The following ARHGAP23 variants were observed in gnomAD, a reference collection of about 807,000 sequenced individuals.
ARHGAP23 encodes the protein rho GTPase-activating protein 23.
Under a neutral mutation model 136.3 loss-of-function variants are expected in ARHGAP23, and 34 were observed. The ratio of observed to expected loss-of-function variants is 0.25; its 90% CI spans 0.19 to 0.33. ARHGAP23 has a LOEUF of 0.33. ARHGAP23 is among the 10% of genes least tolerant of loss of function. The probability of loss-of-function intolerance (pLI) is 1.00; values close to 1 mark genes in which losing one functional copy is unlikely to be tolerated. For synonymous variants in ARHGAP23, 832 were observed against 920.5 expected (o/e 0.90, Z 1.74); for missense variants, 1,808 against 2,139.0 (o/e 0.85, Z 3.05).
intron 23 of ARHGAP23, among the ~76,000 whole-genome samples, chr17:38,508,335 A>G (rs527589263): frequency 6.6e-6 from 1 of 152,312 alleles, no homozygotes; most frequent in South Asian, 2.1e-4. Context: ...CAGCAATGTA[A>G]CAGTGTAGGT....
chr17:38,442,134 AT>A (rs1011748682), intron 1 of ARHGAP23, among the ~76,000 whole-genome samples: 1 of 152,040 alleles, frequency 6.6e-6, no homozygotes, highest in African/African-American at 2.4e-5. Context: ...TTTTACTATT[AT>A]TTTTGTGGAG....
chr17:38,463,080 T>C, intron 4 of ARHGAP23, 38 bp from the exon 5 acceptor site: 1 of 1,548,002 alleles, frequency 6.5e-7, no homozygotes, highest in Non-Finnish European at 8.7e-7. Flanking sequence ...GGGCCTTTGA[T>C]GCCCTTTGGT....
upstream of ARHGAP23, among the ~76,000 whole-genome samples, chr17:38,426,572 ATC>A (rs2038574151): frequency 1.3e-5 from 2 of 149,382 alleles, no homozygotes; most frequent in Non-Finnish European, 1.5e-5. Flanking sequence ...AAAAAAAAAA[ATC>A]CAGGCAGTAT....
chr17:38,485,669 C>G (rs543172460), intron 16 of ARHGAP23, among the ~76,000 whole-genome samples: 1 of 152,096 alleles, frequency 6.6e-6, no homozygotes, highest in Non-Finnish European at 1.5e-5. Flanking sequence ...GAGGAAAGTT[C>G]TGGTTGAGGA....
chr17:38,477,874 A>G lies in ARHGAP23; in HGVS notation c.2414A>G (p.Glu805Gly). Residue 805 changes from glutamate to glycine, a missense_variant, in exon 12 of 24, where the codon GAG becomes GGG. This residue lies in a region of ARHGAP23 where 139 missense variants were observed against 264.3 expected (regional missense o/e 0.53). Coordinates refer to ENST00000622683, the MANE Select transcript of ARHGAP23 (RefSeq NM_001199417.2). This position sits in a 1 kb window ranked among gnomAD's most constrained non-coding sequence, Gnocchi z 6.6. ...CTGGGCTGGATCAGAGCGATCCGGG[A>G]GAACAGCAGGGCCGAGGGCGAGGTG... ...DMLGWIRAIR[E>G]NSRAEGEDPG... The G allele has an allele frequency of 6.5e-7, 1 of 1,548,264 alleles. No homozygotes were observed.
At chr17:38,423,410 C>T (rs1003317115) in intron 1 of ARHGAP23, among the ~76,000 whole-genome samples, 5 of 150,892 alleles carry the variant, frequency 3.3e-5, no homozygotes, top group African/African-American at 4.9e-5. Flanking sequence ...CTCATTCTAT[C>T]GCCCAGGCAA....
Position 38,479,626 on chromosome 17 carries a change from C to T in ARHGAP23, c.2499-127C>T, listed in dbSNP as rs1048989658. The T allele has an allele frequency of 1.1e-5, 15 of 1,418,512 alleles. No individual in the cohort carries two copies. In the African/African-American group the frequency reaches 1.4e-4, roughly 13 times the overall value. The allele number at this position is 1,418,512 out of a possible 1,614,324, so 87.9% of individuals were successfully genotyped here. On this transcript the variant is annotated intron_variant, in intron 13 of 23. Transcript: ENST00000622683. ...GGAAGGGGTATCCAGGGTCTCCAGG[C>T]TGCAGTTAGGCATGGAGGCATTGCC...
At chr17:38,449,329 C>T (rs1826663317) in intron 1 of ARHGAP23, among the ~76,000 whole-genome samples, 2 of 152,322 alleles carry the variant, frequency 1.3e-5, no homozygotes, top group South Asian at 2.1e-4. Context: ...ACCCTGGGAA[C>T]CATCCCCTAC....
At chr17:38,454,449 T>C (rs1228273781) in intron 1 of ARHGAP23, among the ~76,000 whole-genome samples, 1 of 152,026 alleles carries the variant, frequency 6.6e-6, no homozygotes, top group Non-Finnish European at 1.5e-5. Context: ...GAAGAGACGC[T>C]GGGGCTTCTA....
intron 1 of ARHGAP23, among the ~76,000 whole-genome samples, chr17:38,457,166 G>T (rs2039345885): frequency 6.6e-6 from 1 of 152,192 alleles, no homozygotes; most frequent in South Asian, 2.1e-4. Flanking sequence ...TGGGATTACA[G>T]GTAGAGACAG....
At chr17:38,457,838 C>A in intron 1 of ARHGAP23, 1 of 566,598 alleles carries the variant, frequency 1.8e-6, no homozygotes. Flanking sequence ...AATGAACTTG[C>A]TTCAGTGAGT....
At position 38,486,118 on chromosome 17, in the gene ARHGAP23, G is replaced by C. The variant is rs1466292885; in HGVS notation, c.2964G>C (p.Leu988=). The change falls in exon 17 of 24, where the codon CTG becomes CTC. Residue 988 remains leucine, a synonymous_variant. Transcript: ENST00000622683. ...TGCTCAAGTCCTTCTTCCGAAAGCTGCCCGAGCCTCTTTTCACTGATGGTG... is the reference window on the plus strand; with the variant it reads ...TGCTCAAGTCCTTCTTCCGAAAGCTCCCCGAGCCTCTTTTCACTGATGGTG... ...SSLLKSFFRK[L]PEPLFTDDKY... 3 of 1,551,446 alleles carry C rather than the reference G, an allele frequency of 1.9e-6. No individual in the cohort carries two copies. Among genetic ancestry groups the C allele is most frequent in the Admixed American group, 2.0e-5 (1 of 50,990 alleles).
chr17:38,477,785 G>C lies in ARHGAP23; in HGVS notation c.2325G>C (p.Val775=), dbSNP rs1438559740. The change falls in exon 12 of 24, where the codon GTG becomes GTC. Residue 775 remains valine, a synonymous_variant. Transcript: ENST00000622683. This position sits in a 1 kb window ranked among gnomAD's most constrained non-coding sequence, Gnocchi z 6.6. ...ACAGCGAGACCAAGAGGAGGCACGTGTTCCGGCTGACCACCGCTGACTTCT... is the reference window on the plus strand; with the variant it reads ...ACAGCGAGACCAAGAGGAGGCACGTCTTCCGGCTGACCACCGCTGACTTCT... ...ISYSETKRRH[V]FRLTTADFCE... is the part of the protein sequence containing the mutation. 1 of 1,549,946 alleles carries C rather than the reference G, an allele frequency of 6.5e-7. No individual in the cohort carries two copies. Among genetic ancestry groups the C allele is most frequent in the Non-Finnish European group, 8.7e-7 (1 of 1,146,446 alleles).
chr17:38,484,116 C>T (rs145613702), intron 16 of ARHGAP23, among the ~76,000 whole-genome samples: 7 of 152,170 alleles, frequency 4.6e-5, no homozygotes, highest in South Asian at 4.2e-4. Context: ...GATACGAATG[C>T]GGAGGGCAGG....
chr17:38,472,836 C>T (rs2039794026), intron 11 of ARHGAP23, among the ~76,000 whole-genome samples: 1 of 152,250 alleles, frequency 6.6e-6, no homozygotes, highest in African/African-American at 2.4e-5. Context: ...TAACAGTAAT[C>T]CCTAGCTCAT....
Position 38,466,546 on chromosome 17 carries a change from T to C in ARHGAP23, c.863T>C (p.Leu288Ser), listed in dbSNP as rs1328647425. 20 of 1,478,212 alleles carry C rather than the reference T, an allele frequency of 1.4e-5. No individual in the cohort carries two copies. Among genetic ancestry groups the C allele is most frequent in the South Asian group, 2.7e-5 (2 of 73,368 alleles). The allele number at this position is 1,478,212 out of a possible 1,614,324, so 91.6% of individuals were successfully genotyped here. A position where few individuals can be genotyped will look rare whatever the true frequency, so the allele number is the denominator to read the frequency against. ...PPSRLECQQA[L>S]SHWLSNQVPR... ...AGCAGACTGGAGTGCCAGCAGGCCT[T>C]GTCACACTGGCTGTCAAACCAGGTA... The change falls in exon 7 of 24, where the codon TTG (leucine) becomes TCG (serine). Residue 288 changes from leucine to serine, a missense_variant. This residue lies in a region of ARHGAP23 where 859 missense variants were observed against 936.4 expected (regional missense o/e 0.92). Transcript: ENST00000622683.
rs1156553828 is a variant in ARHGAP23 at position 38,463,192 on chromosome 17, A to T, written c.424A>T (p.Asn142Tyr). Residue 142 changes from asparagine to tyrosine, a missense_variant, in exon 5 of 24, where the codon AAT (asparagine) becomes TAT (tyrosine). Transcript: ENST00000622683. Reference protein sequence around the residue: ...TYSQVIALIQNSDDTLELSIM... With the variant: ...TYSQVIALIQYSDDTLELSIM... ...CTCTCAGGTCATAGCTCTGATCCAG[A>T]ATAGGTGAGTGTCCCTGACCCCTCG... The T allele has an allele frequency of 1.3e-6, 2 of 1,551,372 alleles. No homozygotes were observed. Among genetic ancestry groups the T allele is most frequent in the African/African-American group, 2.7e-5 (2 of 73,026 alleles).
intron 1 of ARHGAP23, among the ~76,000 whole-genome samples, chr17:38,432,105 A>C (rs903107215): frequency 3.3e-5 from 5 of 152,204 alleles, no homozygotes; most frequent in Admixed American, 6.5e-5. Flanking sequence ...TACCCCTGAC[A>C]CTGTGATGTT....
chr17:38,448,958 A>G (rs972113326), intron 1 of ARHGAP23, among the ~76,000 whole-genome samples: 3 of 147,766 alleles, frequency 2.0e-5, no homozygotes, highest in Non-Finnish European at 3.0e-5. Flanking sequence ...AGTTGAGACC[A>G]CAGGCATGCA....
Sources: gnomAD v4.1 joint callset for allele counts (sites outside exome capture counted in the v4.1 genomes callset) on GRCh38, gnomAD v4.1.1 for gene constraint, gnomAD v4.1.1 regional missense constraint, Gnocchi (gnomAD v3.1) non-coding constraint, MANE v1.5 for transcripts, NCBI Gene and HGNC (gene_info 2026-07-23, HGNC 2026-07-21) for gene names.